Variants in WRN observed in about 807,000 individuals in gnomAD.
WRN encodes the protein bifunctional 3'-5' exonuclease/ATP-dependent helicase WRN.
In WRN, 149 loss-of-function variants were observed where a neutral mutation model predicts 180.7. The ratio of observed to expected loss-of-function variants is 0.82; its 90% CI spans 0.72 to 0.94. The LOEUF (loss-of-function observed/expected upper bound fraction) is 0.94, where lower values mean the gene tolerates loss of function less well. Ranked by LOEUF, WRN falls within the 40% of genes least tolerant of loss-of-function variation. The pLI is 0.00. For missense variants in WRN, 1,661 were observed against 1,700.1 expected (o/e 0.98, Z 0.40); for synonymous variants, 548 against 568.9 (o/e 0.96, Z 0.52).
intron 3 of WRN, among the ~76,000 whole-genome samples, chr8:31,061,256 G>T (rs1812474234): frequency 6.6e-6 from 1 of 151,604 alleles, no homozygotes; most frequent in South Asian, 2.1e-4. Flanking sequence ...GTAGTGTCTG[G>T]TCTGTTTATA....
intron 3 of WRN, among the ~76,000 whole-genome samples, chr8:31,059,925 G>A (rs1465192256): frequency 4.0e-5 from 6 of 151,692 alleles, no homozygotes; most frequent in Admixed American, 6.6e-5. Flanking sequence ...GTGTGGTGGC[G>A]TGCGCCTGTA....
chr8:31,108,579 A>G (rs984691896), intron 18 of WRN, among the ~76,000 whole-genome samples: 2 of 152,168 alleles, frequency 1.3e-5, no homozygotes, highest in Non-Finnish European at 2.9e-5. Context: ...AAGGAAAAAT[A>G]CATTTAAGAT....
At chr8:31,057,427 C>T (rs11574171) in intron 1 of WRN, among the ~76,000 whole-genome samples, 6 of 152,056 alleles carry the variant, frequency 3.9e-5, no homozygotes, top group African/African-American at 9.6e-5. Flanking sequence ...AAAAATTAGC[C>T]GGGCTTGGTG....
At chr8:31,069,959 A>G (rs1055583009) in intron 7 of WRN, among the ~76,000 whole-genome samples, 1 of 152,114 alleles carries the variant, frequency 6.6e-6, no homozygotes, top group Non-Finnish European at 1.5e-5. Flanking sequence ...TTTTCACTAA[A>G]GTAACATATA....
In WRN at chr8:31,085,162, A is replaced by T. The variant is rs2130140132; in HGVS notation, c.1351-4A>T. On this transcript the variant is annotated splice_region_variant and splice_polypyrimidine_tract_variant and intron_variant, in intron 10 of 34. Coordinates refer to ENST00000298139, the MANE Select transcript of WRN (RefSeq NM_000553.6). ...AAATTAATGCTTAATACTTTTTTTT[A>T]AAGCATTTATCTCCCAATGATAATG... The T allele has an allele frequency of 6.2e-7, 1 of 1,612,416 alleles. No individual in the cohort carries two copies.
intron 32 of WRN, among the ~76,000 whole-genome samples, chr8:31,155,656 T>TTC (rs1484880779): frequency 2.0e-5 from 3 of 151,980 alleles, no homozygotes; most frequent in Non-Finnish European, 1.5e-5. Flanking sequence ...TATGTAATGT[T>TTC]TCTTCATTGT....
At chr8:31,154,972 C>T (rs1404230518) in intron 32 of WRN, among the ~76,000 whole-genome samples, 1 of 152,176 alleles carries the variant, frequency 6.6e-6, no homozygotes, top group African/African-American at 2.4e-5. Flanking sequence ...CCATGAATAT[C>T]TTCTAGAGAT....
chr8:31,047,183 C>T (rs948956215), intron 1 of WRN, among the ~76,000 whole-genome samples: 1 of 149,546 alleles, frequency 6.7e-6, no homozygotes, highest in Admixed American at 6.7e-5. Flanking sequence ...CACTCTTTCA[C>T]CCAGGCTATA....
chr8:31,143,961 T>G (rs1008875376), intron 28 of WRN, among the ~76,000 whole-genome samples: 2 of 152,226 alleles, frequency 1.3e-5, no homozygotes, highest in Non-Finnish European at 2.9e-5. Context: ...GTTGACAAAC[T>G]TGTTCAAGAG....
intron 3 of WRN, among the ~76,000 whole-genome samples, chr8:31,063,134 T>G (rs1812556240): frequency 6.6e-6 from 1 of 152,220 alleles, no homozygotes. Context: ...CACTGGCTGC[T>G]CACATGTTTT....
chr8:31,168,571 A>AT (rs1264994121), intron 34 of WRN, among the ~76,000 whole-genome samples: 1 of 152,100 alleles, frequency 6.6e-6, no homozygotes, highest in Non-Finnish European at 1.5e-5. Flanking sequence ...TCTAAAAGGT[A>AT]TACCTTATTT....
At chr8:31,057,600 C>CT (rs945692290) in intron 1 of WRN, among the ~76,000 whole-genome samples, 5 of 152,026 alleles carry the variant, frequency 3.3e-5, no homozygotes, top group Non-Finnish European at 7.4e-5. Context: ...AAAAAAACTG[C>CT]TACCTCCTTA....
At chr8:31,064,237 A>C in intron 3 of WRN, 52 bp from the exon 4 acceptor site, 2 of 1,606,008 alleles carry the variant, frequency 1.2e-6, no homozygotes, top group Non-Finnish European at 1.7e-6. Context: ...TTAGTTATGC[A>C]GAAGTTTAAA....
chr8:31,126,690 A>C (rs565014490), intron 23 of WRN, among the ~76,000 whole-genome samples: 1 of 152,342 alleles, frequency 6.6e-6, no homozygotes, highest in East Asian at 1.9e-4. Context: ...AGCCTGGGTG[A>C]CAGAGTGAGA....
chr8:31,149,904 A>T (rs1168803068), intron 30 of WRN, among the ~76,000 whole-genome samples: 1 of 152,226 alleles, frequency 6.6e-6, no homozygotes, highest in East Asian at 1.9e-4. Context: ...GAATTGGCAG[A>T]TATACTGTTA....
At chr8:31,084,858 T>G in intron 10 of WRN, among the ~76,000 whole-genome samples, 1 of 152,152 alleles carries the variant, frequency 6.6e-6, no homozygotes. Flanking sequence ...GGAGACACAG[T>G]TTGATATTGT....
At chr8:31,049,957 CAAGT>C (rs1484238318) in intron 1 of WRN, among the ~76,000 whole-genome samples, 2 of 151,504 alleles carry the variant, frequency 1.3e-5, no homozygotes, top group Non-Finnish European at 2.9e-5. Context: ...TATCATAAGA[CAAGT>C]AATATAATAA....
At chr8:31,062,627 G>A (rs1158784550) in intron 3 of WRN, among the ~76,000 whole-genome samples, 3 of 150,934 alleles carry the variant, frequency 2.0e-5, no homozygotes, top group African/African-American at 7.3e-5. Context: ...TTGCCCAGGC[G>A]GTCTCAAATT....
Position 31,042,800 on chromosome 8 carries a change from C to T in WRN, c.-77+8827C>T, listed in dbSNP as rs190446065. ...TATCCTATAGAAATGATAGGAATGC[C>T]TTACAATACCCACATATCCACAAGG... is the stretch of plus-strand genomic sequence containing the variant. On this transcript the variant is annotated intron_variant, in intron 1 of 34. Coordinates refer to ENST00000298139, the MANE Select transcript of WRN (RefSeq NM_000553.6). Among the ~76,000 whole-genome samples, 76 of 152,232 alleles carry T rather than the reference C, an allele frequency of 5.0e-4. 1 individual carries two copies. The highest frequency in any genetic ancestry group is 1.7e-3 in the African/African-American group (70 of 41,532).
Sources: gnomAD v4.1 joint callset for allele counts (sites outside exome capture counted in the v4.1 genomes callset) on GRCh38, gnomAD v4.1.1 for gene constraint, MANE v1.5 for transcripts, NCBI Gene and HGNC (gene_info 2026-07-23, HGNC 2026-07-21) for gene names.